DIAPH3: variants seen among roughly 807,000 people sequenced by gnomAD.
DIAPH3 encodes diaphanous related formin 3.
A neutral mutation model predicts 144.3 loss-of-function variants in DIAPH3; 117 were observed. The observed-to-expected ratio is 0.81, with a 90% CI of 0.70 to 0.95. DIAPH3 has a LOEUF of 0.95. DIAPH3 is among the 40% of genes least tolerant of loss of function. The pLI, the probability that DIAPH3 is intolerant of heterozygous loss-of-function variation, is 0.00. For missense variants in DIAPH3, 1,421 were observed against 1,412.7 expected (o/e 1.01, Z -0.09); for synonymous variants, 519 against 488.9 (o/e 1.06, Z -0.81).
intron 4 of DIAPH3, among the ~76,000 whole-genome samples, chr13:60,057,454 A>C (rs912241358): frequency 1.3e-5 from 2 of 152,060 alleles, no homozygotes; most frequent in African/African-American, 4.8e-5. Context: ...CAATATCATG[A>C]AAATGACCAT....
At chr13:60,070,115 G>T (rs930162723) in intron 4 of DIAPH3, among the ~76,000 whole-genome samples, 1 of 152,054 alleles carries the variant, frequency 6.6e-6, no homozygotes, top group Non-Finnish European at 1.5e-5. Flanking sequence ...TCACGAGCAT[G>T]GGATATGTTT....
chr13:60,093,686 T>C lies in DIAPH3; in HGVS notation c.437A>G (p.Lys146Arg). The C allele has an allele frequency of 6.2e-7, 1 of 1,611,450 alleles. No individual in the cohort carries two copies. Among genetic ancestry groups the C allele is most frequent in the Non-Finnish European group, 8.5e-7 (1 of 1,178,398 alleles). The change falls in exon 4 of 28, where the codon AAG (lysine) becomes AGG (arginine). Residue 146 changes from lysine to arginine, a missense_variant. By Grantham distance (26) the Lys-to-Arg change is conservative. Transcript: ENST00000400324. The stretch of plus-strand genomic sequence containing the variant: ...CATTTCTTTTTTGATACTGAAGTCC[T>C]TTTCCCGCAATGGTGCCTTTTTATC... ...NEDKKAPLRE[K>R]DFSIKKEMVM...
chr13:60,097,792 G>A (rs926228659), intron 3 of DIAPH3, among the ~76,000 whole-genome samples: 1 of 146,274 alleles, frequency 6.8e-6, no homozygotes, highest in Non-Finnish European at 1.5e-5. Flanking sequence ...AAAAAAAAGA[G>A]AGAGAGAGAG....
intron 25 of DIAPH3, among the ~76,000 whole-genome samples, chr13:59,791,984 T>A (rs1323815947): frequency 3.3e-5 from 5 of 152,194 alleles, no homozygotes; most frequent in African/African-American, 1.2e-4. Context: ...ACCATCACCA[T>A]CATTCTTAGA....
intron 5 of DIAPH3, among the ~76,000 whole-genome samples, chr13:60,023,790 CT>C (rs2054189471): frequency 6.8e-6 from 1 of 147,288 alleles, no homozygotes; most frequent in Admixed American, 6.8e-5. Flanking sequence ...TGAGTTTATC[CT>C]GTTTGTGATT....
At chr13:60,088,414 C>G (rs1281033063) in intron 4 of DIAPH3, among the ~76,000 whole-genome samples, 1 of 152,122 alleles carries the variant, frequency 6.6e-6, no homozygotes, top group African/African-American at 2.4e-5. Context: ...TCCCTCTATC[C>G]TTACTCCCTC....
At chr13:59,869,401 C>A (rs776922185) in intron 21 of DIAPH3, among the ~76,000 whole-genome samples, 3 of 152,026 alleles carry the variant, frequency 2.0e-5, no homozygotes, top group Non-Finnish European at 2.9e-5. Context: ...ACAGGAGAAA[C>A]GTGTAATGCA....
At chr13:59,948,274 G>A (rs1318437118) in intron 17 of DIAPH3, among the ~76,000 whole-genome samples, 1 of 152,026 alleles carries the variant, frequency 6.6e-6, no homozygotes, top group Non-Finnish European at 1.5e-5. Context: ...CCAATTCCTT[G>A]GCTGTACAAT....
intron 19 of DIAPH3, 61 bp from the exon 20 acceptor site, chr13:59,911,897 A>G (rs533545535): frequency 8.8e-6 from 11 of 1,246,648 alleles, no homozygotes; most frequent in Non-Finnish European, 1.3e-5. Flanking sequence ...TTTTAAAAAT[A>G]TAATTTAAAA....
intron 17 of DIAPH3, among the ~76,000 whole-genome samples, chr13:59,938,965 C>A (rs2048389828): frequency 6.6e-6 from 1 of 152,074 alleles, no homozygotes; most frequent in African/African-American, 2.4e-5. Flanking sequence ...GTTATGTATT[C>A]TTAACCACAA....
chr13:59,804,160 C>A (rs1307475522), intron 25 of DIAPH3, among the ~76,000 whole-genome samples: 1 of 152,212 alleles, frequency 6.6e-6, no homozygotes, highest in African/African-American at 2.4e-5. Context: ...AAGAATCCCT[C>A]CTTTGACTGT....
chr13:59,721,549 G>T (rs1368465831), intron 27 of DIAPH3, among the ~76,000 whole-genome samples: 1 of 152,072 alleles, frequency 6.6e-6, no homozygotes, highest in East Asian at 1.9e-4. Flanking sequence ...TTGACGGTGT[G>T]AGTTTCTCTA....
In DIAPH3 at chr13:59,875,698, C is replaced by T. The variant is rs533552366; in HGVS notation, c.2607+3531G>A. Reference sequence around the variant, plus strand: ...CACATCACTTTGACCACCAAAAAGTCAAGCACCTATATAGCAACTTTAATT... The same window carrying T: ...CACATCACTTTGACCACCAAAAAGTTAAGCACCTATATAGCAACTTTAATT... On this transcript the variant is annotated intron_variant, in intron 21 of 27. Coordinates refer to ENST00000400324, the MANE Select transcript of DIAPH3 (RefSeq NM_001042517.2). Among the ~76,000 whole-genome samples the T allele has an allele frequency of 1.3e-5, 2 of 152,228 alleles. 1 individual carries two copies. The highest frequency in any genetic ancestry group is 4.2e-4 in the South Asian group (2 of 4,810).
At chr13:60,020,437 G>A (rs555956137) in intron 5 of DIAPH3, among the ~76,000 whole-genome samples, 4 of 152,276 alleles carry the variant, frequency 2.6e-5, no homozygotes, top group Admixed American at 6.5e-5. Context: ...ACACAATCAT[G>A]TCTCACTGCC....
chr13:59,997,974 C>G (rs2052308372), intron 9 of DIAPH3, among the ~76,000 whole-genome samples: 1 of 152,066 alleles, frequency 6.6e-6, no homozygotes, highest in South Asian at 2.1e-4. Flanking sequence ...CTGGAAGATA[C>G]AGTTTAGACT....
chr13:59,879,518 T>C (rs1372407441), intron 20 of DIAPH3, 50 bp from the exon 21 acceptor site: 1 of 1,609,960 alleles, frequency 6.2e-7, no homozygotes, highest in Non-Finnish European at 8.5e-7. Flanking sequence ...TGGTATAGTT[T>C]AGTACTGTAC....
intron 25 of DIAPH3, among the ~76,000 whole-genome samples, chr13:59,779,614 C>A (rs1349401700): frequency 2.0e-5 from 3 of 151,602 alleles, no homozygotes; most frequent in Admixed American, 1.3e-4. Flanking sequence ...CGGGTCCAAG[C>A]GATTCTCCTG....
intron 27 of DIAPH3, among the ~76,000 whole-genome samples, chr13:59,706,991 T>C (rs2034465662): frequency 6.6e-6 from 1 of 152,186 alleles, no homozygotes; most frequent in Non-Finnish European, 1.5e-5. Context: ...TGCATATAAA[T>C]GCAAGGAATT....
At chr13:59,820,990 G>C (rs1566362216) in intron 24 of DIAPH3, among the ~76,000 whole-genome samples, 1 of 151,458 alleles carries the variant, frequency 6.6e-6, no homozygotes, top group Non-Finnish European at 1.5e-5. Context: ...AGAAAACTAG[G>C]AGATTTAATC....
Sources: gnomAD v4.1 joint callset for allele counts (sites outside exome capture counted in the v4.1 genomes callset) on GRCh38, gnomAD v4.1.1 for gene constraint, MANE v1.5 for transcripts, NCBI Gene and HGNC (gene_info 2026-07-23, HGNC 2026-07-21) for gene names.